Variants in ARHGAP29 observed in about 807,000 individuals in gnomAD.
The protein encoded by ARHGAP29 is Rho GTPase activating protein 29.
In ARHGAP29, 43 loss-of-function variants were observed where a neutral mutation model predicts 122.6. The observed-to-expected ratio is 0.35, with a 90% CI of 0.27 to 0.45. ARHGAP29 has a LOEUF of 0.45. ARHGAP29 is among the 20% of genes least tolerant of loss of function. The probability of loss-of-function intolerance (pLI) is 1.00; values close to 1 mark genes in which losing one functional copy is unlikely to be tolerated. For synonymous variants in ARHGAP29, 506 were observed against 497.1 expected, an observed-to-expected ratio of 1.02 and a Z score of -0.24; for missense variants, 1,303 against 1,477.2, an observed-to-expected ratio of 0.88 and a Z score of 1.93.
Position 94,179,272 on chromosome 1 carries a change from C to T in ARHGAP29, c.2480+453G>A, listed in dbSNP as rs942186496. Among the ~76,000 whole-genome samples the T allele has an allele frequency of 1.3e-3, 196 of 152,226 alleles. 1 individual carries two copies. The highest frequency in any genetic ancestry group is 7.7e-4 in the East Asian group (4 of 5,178). ...AATGTTCATTTTAAAAGTAACACTG[C>T]AACAATATGAACACACTTAACACTT... On this transcript the variant is annotated intron_variant, in intron 20 of 22. Transcript: ENST00000260526.
chr1:94,271,822 T>C (rs555678090), intron 1 of ARHGAP29, among the ~76,000 whole-genome samples: 2 of 152,356 alleles, frequency 1.3e-5, no homozygotes, highest in Admixed American at 6.5e-5. Context: ...AGCACTCTCT[T>C]ACTTCCTTTG....
intron 1 of ARHGAP29, among the ~76,000 whole-genome samples, chr1:94,259,790 A>T (rs1007133419): frequency 5.9e-5 from 9 of 152,244 alleles, no homozygotes; most frequent in African/African-American, 1.9e-4. Context: ...TAAAGCAGCC[A>T]CAGGAAACTA....
chr1:94,255,606 A>C (rs925448407), intron 1 of ARHGAP29, among the ~76,000 whole-genome samples: 1 of 152,178 alleles, frequency 6.6e-6, no homozygotes, highest in East Asian at 1.9e-4. Flanking sequence ...CCTAATATTC[A>C]CAAGTCACAC....
upstream of ARHGAP29, among the ~76,000 whole-genome samples, chr1:94,279,967 G>C (rs1414604334): frequency 1.3e-5 from 2 of 151,586 alleles, no homozygotes; most frequent in East Asian, 3.9e-4. Flanking sequence ...TGTTCTTTTA[G>C]TTTTTATTTC....
chr1:94,185,968 T>C (rs572637738), intron 16 of ARHGAP29, among the ~76,000 whole-genome samples: 25 of 152,218 alleles, frequency 1.6e-4, no homozygotes, highest in Non-Finnish European at 2.8e-4. Context: ...GGAGGTCACA[T>C]ATTCCATTAA....
At chr1:94,226,583 T>A (rs1929132) in intron 2 of ARHGAP29, among the ~76,000 whole-genome samples, 33,620 of 151,774 alleles carry the variant, frequency 0.22, 4,909 homozygotes, top group Middle Eastern at 0.36. Context: ...TACTCTGCGA[T>A]CTGCAATTTA....
At chr1:94,241,087 A>G (rs1389774492), upstream of ARHGAP29, among the ~76,000 whole-genome samples, 1 of 152,198 alleles carries the variant, frequency 6.6e-6, no homozygotes, top group Non-Finnish European at 1.5e-5. Flanking sequence ...CTCATCCCCA[A>G]GAAAGAATTA....
chr1:94,275,511 T>A (rs1021961055), upstream of ARHGAP29, among the ~76,000 whole-genome samples: 3 of 152,178 alleles, frequency 2.0e-5, no homozygotes, highest in Non-Finnish European at 4.4e-5. Context: ...GATGCCTGTA[T>A]GCTCAATTCA....
the ARHGAP29 span, among the ~76,000 whole-genome samples, chr1:94,312,045 AAAC>A: frequency 1.8e-4 from 28 of 152,304 alleles, no homozygotes; most frequent in East Asian, 5.2e-3. Context: ...CTTAACAAAC[AAAC>A]AACACCTTTC....
chr1:94,289,468 T>C, the ARHGAP29 span, among the ~76,000 whole-genome samples: 2 of 152,242 alleles, frequency 1.3e-5, no homozygotes, highest in Non-Finnish European at 2.9e-5. Context: ...CTTTTCCTAA[T>C]TGAATACACT....
chr1:94,249,233 T>C (rs912029259), intron 1 of ARHGAP29, among the ~76,000 whole-genome samples: 1 of 152,240 alleles, frequency 6.6e-6, no homozygotes, highest in African/African-American at 2.4e-5. Flanking sequence ...CTCATGATCA[T>C]GGTTTTGGAG....
upstream of ARHGAP29, among the ~76,000 whole-genome samples, chr1:94,277,658 T>C (rs1655236238): frequency 6.6e-6 from 1 of 152,200 alleles, no homozygotes; most frequent in Non-Finnish European, 1.5e-5. Context: ...GACCATTCTA[T>C]TTTAGCATAT....
In ARHGAP29 at chr1:94,205,171, T is replaced by C. The variant is rs560324828; in HGVS notation, c.587A>G (p.Asn196Ser). The change falls in exon 7 of 23, where the codon AAC becomes AGC. Residue 196 changes from asparagine to serine, a missense_variant. Asn to Ser is a conservative substitution (Grantham distance 46, BLOSUM62 1). Transcript: ENST00000260526. ...AGAGTCAGTGTTCTTTAACAGCACG[T>C]TGTCTAGTTCTAAAGGGGAAAAATT... ...KGNFSPLELD[N>S]VLLKNTDSIE... 6 of 1,601,590 alleles carry C rather than the reference T, an allele frequency of 3.7e-6. No homozygotes were observed. Among genetic ancestry groups the C allele is most frequent in the African/African-American group, 2.7e-5 (2 of 74,272 alleles).
chr1:94,295,798 T>TGTGGAATCTTCTAATTCCACAC, the ARHGAP29 span, among the ~76,000 whole-genome samples: 1 of 10,446 alleles, frequency 9.6e-5, no homozygotes, highest in Non-Finnish European at 3.3e-4. Flanking sequence ...TAATTCCACA[T>TGTGGAATCTTCTAATTCCACAC]TGGGGTATTT....
intron 1 of ARHGAP29, among the ~76,000 whole-genome samples, chr1:94,253,188 C>G (rs771774242): frequency 2.0e-4 from 30 of 152,050 alleles, no homozygotes; most frequent in Non-Finnish European, 3.5e-4. Flanking sequence ...CCAGGATGGT[C>G]TTGATCTCCT....
At chr1:94,215,768 TAA>T (rs1242696562) in intron 3 of ARHGAP29, among the ~76,000 whole-genome samples, 1 of 151,324 alleles carries the variant, frequency 6.6e-6, no homozygotes, top group Non-Finnish European at 1.5e-5. Flanking sequence ...AATGCAAAAA[TAA>T]AAGACAAAAA....
In ARHGAP29 at chr1:94,174,449, A is replaced by T; in HGVS notation, c.3206T>A (p.Phe1069Tyr). Reference sequence around the variant, plus strand: ...TAGAGTTTGCTGGTCAAAGCCATTAAATTTGGAACAAACAGTAGTAGCAGC... The same window carrying T: ...TAGAGTTTGCTGGTCAAAGCCATTATATTTGGAACAAACAGTAGTAGCAGC... Reference protein sequence around the residue: ...KDAATTVCSKFNGFDQQTLQK... With the variant: ...KDAATTVCSKYNGFDQQTLQK... The change falls in exon 23 of 23, where the codon TTT becomes TAT. Residue 1069 changes from phenylalanine (F) to tyrosine (Y), a missense_variant. Transcript: ENST00000260526. The T allele has an allele frequency of 3.7e-6, 6 of 1,614,214 alleles. No individual in the cohort carries two copies. Among genetic ancestry groups the T allele is most frequent in the Non-Finnish European group, 5.1e-6 (6 of 1,180,040 alleles).
At chr1:94,259,934 C>T (rs1043689434) in intron 1 of ARHGAP29, among the ~76,000 whole-genome samples, 3 of 152,140 alleles carry the variant, frequency 2.0e-5, no homozygotes, top group South Asian at 2.1e-4. Context: ...CACTGTTGGC[C>T]GAAGAATGAA....
At chr1:94,310,815 G>A in the ARHGAP29 span, among the ~76,000 whole-genome samples, 2 of 152,208 alleles carry the variant, frequency 1.3e-5, no homozygotes, top group Admixed American at 6.5e-5. Context: ...AAAGGCCCAG[G>A]CATGGGACAG....
Sources: gnomAD v4.1 joint callset for allele counts (sites outside exome capture counted in the v4.1 genomes callset) on GRCh38, gnomAD v4.1.1 for gene constraint, MANE v1.5 for transcripts, NCBI Gene and HGNC (gene_info 2026-07-23, HGNC 2026-07-21) for gene names.